Variants in SGSM2 observed in about 807,000 individuals in gnomAD.
The protein encoded by SGSM2 is RUN and TBC1 domain containing 1.
A neutral mutation model predicts 126.6 loss-of-function variants in SGSM2; 89 were observed. The observed-to-expected ratio is 0.70, with a 90% CI of 0.59 to 0.84. SGSM2 has a LOEUF of 0.84. Among genes scored for constraint, SGSM2 ranks in the 40% least tolerant of loss-of-function variants. SGSM2 has a pLI of 0.00. For synonymous variants in SGSM2, 614 were observed against 574.3 expected (o/e 1.07, Z -0.99); for missense variants, 1,404 against 1,416.6 (o/e 0.99, Z 0.14).
rs113308954 is a variant in SGSM2 at position 2,375,626 on chromosome 17, C to A, written c.2235C>A (p.Phe745Leu). The A allele has an allele frequency of 1.2e-6, 2 of 1,614,026 alleles. No individual in the cohort carries two copies. Among genetic ancestry groups the A allele is most frequent in the South Asian group, 2.2e-5 (2 of 91,090 alleles). Residue 745 changes from phenylalanine (F) to leucine (L), a missense_variant, in exon 18 of 24, where the codon TTC becomes TTA. Coordinates refer to ENST00000268989, the MANE Select transcript of SGSM2 (RefSeq NM_014853.3). ...TGGAGCAGCAGCATTCCGTGGAGTTCGACTCTCCAGACTCAGGACTGCCCT... is the reference window on the plus strand; with the variant it reads ...TGGAGCAGCAGCATTCCGTGGAGTTAGACTCTCCAGACTCAGGACTGCCCT... ...AVVEQQHSVEFDSPDSGLPSS... is the reference protein window; with the variant it reads ...AVVEQQHSVELDSPDSGLPSS...
chr17:2,372,676 A>G lies in SGSM2; in HGVS notation c.1788+188A>G. 2.2e-6 allele frequency: 2 copies of G among 899,326 alleles called. No homozygotes were observed. The highest frequency in any genetic ancestry group is 3.2e-5 in the South Asian group (2 of 61,790). 55.7% of individuals were successfully genotyped at this position (899,326 alleles called of 1,614,324 possible). A position where few individuals can be genotyped will look rare whatever the true frequency, so the allele number is the denominator to read the frequency against. ...GACACGGGAAGGGGGCTGGACTGGGAAGCCGTCCTGCCTCCACATCGCCCT... is the reference window on the plus strand; with the variant it reads ...GACACGGGAAGGGGGCTGGACTGGGGAGCCGTCCTGCCTCCACATCGCCCT... On this transcript the variant is annotated intron_variant, in intron 15 of 23. Coordinates refer to ENST00000268989, the MANE Select transcript of SGSM2 (RefSeq NM_014853.3). This position sits in a 1 kb window ranked among gnomAD's most constrained non-coding sequence, Gnocchi z 6.0.
At chr17:2,359,928 C>T (rs1412865744) in intron 2 of SGSM2, among the ~76,000 whole-genome samples, 1 of 152,176 alleles carries the variant, frequency 6.6e-6, no homozygotes. Context: ...GCTGCAGCAG[C>T]CCAGGACCAA....
chr17:2,369,058 G>A (rs2065733867), intron 12 of SGSM2, among the ~76,000 whole-genome samples: 1 of 152,188 alleles, frequency 6.6e-6, no homozygotes, highest in Non-Finnish European at 1.5e-5. Flanking sequence ...CAGGGGCTAG[G>A]CCAACCTAGT....
intron 7 of SGSM2, 35 bp from the exon 8 acceptor site, chr17:2,364,024 C>T: frequency 6.2e-7 from 1 of 1,613,860 alleles, no homozygotes; most frequent in South Asian, 1.1e-5. Context: ...CCTCTCAGCC[C>T]TTCATCGTCG....
intron 2 of SGSM2, among the ~76,000 whole-genome samples, chr17:2,352,908 G>A (rs2064926709): frequency 7.1e-6 from 1 of 140,422 alleles, no homozygotes; most frequent in Admixed American, 7.0e-5. Flanking sequence ...CTCCCGAGTA[G>A]CTGGGACTAC....
intron 2 of SGSM2, among the ~76,000 whole-genome samples, chr17:2,360,602 G>A (rs1465395162): frequency 6.6e-6 from 1 of 152,236 alleles, no homozygotes; most frequent in African/African-American, 2.4e-5. Context: ...TCCGTCTCAT[G>A]TGACATCTCA....
At chr17:2,354,829 T>C (rs1370984892) in intron 2 of SGSM2, among the ~76,000 whole-genome samples, 1 of 151,244 alleles carries the variant, frequency 6.6e-6, no homozygotes, top group Non-Finnish European at 1.5e-5. Context: ...GTGAAATCAG[T>C]GTGTAAGGGT....
At chr17:2,345,712 C>T (rs2151486462) in intron 2 of SGSM2, among the ~76,000 whole-genome samples, 1 of 152,222 alleles carries the variant, frequency 6.6e-6, no homozygotes, top group Non-Finnish European at 1.5e-5. Context: ...AGTGTGCAGC[C>T]TCTGTTTTGG....
intron 2 of SGSM2, among the ~76,000 whole-genome samples, chr17:2,352,708 G>C (rs1349753209): frequency 6.6e-6 from 1 of 151,146 alleles, no homozygotes; most frequent in African/African-American, 2.4e-5. Context: ...CAGAGACCCA[G>C]CCCTGCTTCT....
chr17:2,361,840 T>C, intron 3 of SGSM2, 41 bp downstream of exon 3: 1 of 1,551,450 alleles, frequency 6.4e-7, no homozygotes, highest in East Asian at 2.3e-5. Context: ...CTTTCAGCTC[T>C]TCCCACTTGG....
rs761943900 is a variant in SGSM2, at chr17:2,373,406, C to T, written c.1993C>T (p.Arg665Trp). ...WKACEVVVRQ[R>W]EREAHPATRT... ...GGCCTGCGAGGTGGTGGTGAGGCAG[C>T]GGGAGCGGGAGGCCCACCCAGCCAC... Residue 665 changes from arginine to tryptophan, a missense_variant, in exon 17 of 24, where the codon CGG becomes TGG. Transcript: ENST00000268989. The T allele has an allele frequency of 1.7e-5, 27 of 1,612,028 alleles. No homozygotes were observed. Among genetic ancestry groups the T allele is most frequent in the Middle Eastern group, 1.6e-4 (1 of 6,072 alleles).
chr17:2,361,861 T>C (rs537460492), intron 3 of SGSM2, 62 bp downstream of exon 3: 7 of 1,522,440 alleles, frequency 4.6e-6, no homozygotes, highest in Non-Finnish European at 4.4e-6. Context: ...CAATTGCTAC[T>C]TCCTAGGACA....
chr17:2,341,902 G>T (rs980950678), intron 1 of SGSM2, among the ~76,000 whole-genome samples: 15 of 152,204 alleles, frequency 9.9e-5, no homozygotes, highest in Non-Finnish European at 1.9e-4. Flanking sequence ...GTTCACAGCA[G>T]CAGTATCCAT....
At position 2,349,848 on chromosome 17, in the gene SGSM2, A is replaced by T. The variant is rs1365845628; in HGVS notation, c.133+6228A>T. 2.0e-5 allele frequency among the ~76,000 whole-genome samples: 3 copies of T among 147,840 alleles called. No homozygotes were observed. The South Asian group carries it at 6.4e-4, about 31-fold the overall frequency. On this transcript the variant is annotated intron_variant, in intron 2 of 23. Transcript: ENST00000268989. The stretch of plus-strand genomic sequence containing the variant: ...TGTCGCCCAGGCTGGAGTGCAATGG[A>T]GCGGTCTTGGCTCACTGCAAGCTCC...
In SGSM2 at chr17:2,375,620, G is replaced by C. The variant is rs915640155; in HGVS notation, c.2229G>C (p.Val743=). 1 of 1,614,058 alleles carries C rather than the reference G, an allele frequency of 6.2e-7. No homozygotes were observed. The highest frequency in any genetic ancestry group is 8.5e-7 in the Non-Finnish European group (1 of 1,180,040). The change falls in exon 18 of 24, where the codon GTG becomes GTC. Residue 743 remains valine, a synonymous_variant. Transcript: ENST00000268989. The part of the protein sequence containing the change: ...GTAVVEQQHS[V]EFDSPDSGLP... ...CCGTGGTGGAGCAGCAGCATTCCGT[G>C]GAGTTCGACTCTCCAGACTCAGGAC...
In SGSM2 at chr17:2,363,747, G is replaced by T; in HGVS notation, c.807+148G>T. On this transcript the variant is annotated intron_variant, in intron 7 of 23. Transcript: ENST00000268989. This position sits in a 1 kb window ranked among gnomAD's most constrained non-coding sequence, Gnocchi z 4.2. ...AGCCTCCCAACTCCCTGTTTCACAC[G>T]ACTCACGCCCAGCCTTTAGTTGGCA... The T allele has an allele frequency of 8.2e-7, 1 of 1,217,176 alleles. No homozygotes were observed. The highest frequency in any genetic ancestry group is 1.1e-6 in the Non-Finnish European group (1 of 883,748). The allele number at this position is 1,217,176 out of a possible 1,614,324, so 75.4% of individuals were successfully genotyped here. A position where few individuals can be genotyped will look rare whatever the true frequency, so the allele number is the denominator to read the frequency against.
At position 2,379,096 on chromosome 17, in the gene SGSM2, C is replaced by T; in HGVS notation, c.2960C>T (p.Ser987Leu). The change falls in exon 23 of 24, where the codon TCA becomes TTA. Residue 987 changes from serine (S) to leucine (L), a missense_variant. Ser to Leu is a moderately radical substitution (Grantham distance 145, BLOSUM62 -2). Transcript: ENST00000268989. ...WEVIWAARHI[S>L]SEHFVLFIAL... Reference sequence around the variant, plus strand: ...GTGATCTGGGCAGCCAGGCACATCTCATCGGAGCACTTTGTCCTGTTCATC... The same window carrying T: ...GTGATCTGGGCAGCCAGGCACATCTTATCGGAGCACTTTGTCCTGTTCATC... 1.2e-6 allele frequency: 2 copies of T among 1,614,250 alleles called. No individual in the cohort carries two copies. The highest frequency in any genetic ancestry group is 1.7e-6 in the Non-Finnish European group (2 of 1,180,038).
intron 12 of SGSM2, among the ~76,000 whole-genome samples, chr17:2,370,207 T>G (rs1444982953): frequency 6.6e-6 from 1 of 152,200 alleles, no homozygotes; most frequent in Non-Finnish European, 1.5e-5. Flanking sequence ...ATCCCTGTTC[T>G]TCCGAACTCT....
chr17:2,353,890 T>G (rs2064979930), intron 2 of SGSM2, among the ~76,000 whole-genome samples: 1 of 152,180 alleles, frequency 6.6e-6, no homozygotes, highest in Non-Finnish European at 1.5e-5. Context: ...TCTAGAGGTT[T>G]TCTTATGTTG....
Sources: gnomAD v4.1 joint callset for allele counts (sites outside exome capture counted in the v4.1 genomes callset) on GRCh38, gnomAD v4.1.1 for gene constraint, Gnocchi (gnomAD v3.1) non-coding constraint, MANE v1.5 for transcripts, NCBI Gene and HGNC (gene_info 2026-07-23, HGNC 2026-07-21) for gene names.